Variants in OSBP2 observed in about 807,000 individuals in gnomAD.
The protein encoded by OSBP2 is oxysterol-binding protein 2.
Under a neutral mutation model 96.0 loss-of-function variants are expected in OSBP2, and 66 were observed. The ratio of observed to expected loss-of-function variants is 0.69; its 90% CI spans 0.56 to 0.84. OSBP2 has a LOEUF of 0.84. Among genes scored for constraint, OSBP2 ranks in the 40% least tolerant of loss-of-function variants. OSBP2 has a pLI of 0.00. For missense variants in OSBP2, 1,038 were observed against 1,222.7 expected (o/e 0.85, Z 2.25); for synonymous variants, 525 against 520.9 (o/e 1.01, Z -0.11).
At chr22:30,694,300 T>C (rs1324241286), upstream of OSBP2, 4 of 1,549,290 alleles carry the variant, frequency 2.6e-6, no homozygotes, top group Non-Finnish European at 2.6e-6. Context: ...AGGCGGCCAC[T>C]TGGGGCCACC....
At chr22:30,774,665 A>C in intron 2 of OSBP2, among the ~76,000 whole-genome samples, 1 of 152,242 alleles carries the variant, frequency 6.6e-6, no homozygotes, top group East Asian at 1.9e-4. Flanking sequence ...AATTCCGGAC[A>C]ATCTAGATAT....
Position 30,906,346 on chromosome 22 carries a change from C to A in OSBP2, c.*7C>A, listed in dbSNP as rs760174819. 36 of 1,595,058 alleles carry A rather than the reference C, an allele frequency of 2.3e-5. No individual in the cohort carries two copies. The highest frequency in any genetic ancestry group is 5.2e-5 in the Admixed American group (3 of 58,166). On this transcript the variant is annotated 3_prime_UTR_variant, in exon 14 of 14. Coordinates refer to ENST00000332585, the MANE Select transcript of OSBP2 (RefSeq NM_030758.4). ...GTGCCCCAACATCTTCTGAGCGCCA[C>A]CCTTGCAACAAATACAGGCGCCTGC...
intron 1 of OSBP2, among the ~76,000 whole-genome samples, chr22:30,696,800 C>T (rs191770003): frequency 5.6e-4 from 85 of 152,110 alleles, no homozygotes; most frequent in Middle Eastern, 3.4e-3. Flanking sequence ...ATTACAGGCG[C>T]CCGTCACCAT....
chr22:30,902,036 T>C (rs1391004547), intron 12 of OSBP2, among the ~76,000 whole-genome samples: 4 of 147,714 alleles, frequency 2.7e-5, no homozygotes, highest in Non-Finnish European at 5.9e-5. Flanking sequence ...TACATTCGCA[T>C]GAAGGAATAT....
intron 2 of OSBP2, among the ~76,000 whole-genome samples, chr22:30,819,367 C>T (rs1416196468): frequency 6.6e-6 from 1 of 152,156 alleles, no homozygotes; most frequent in Non-Finnish European, 1.5e-5. Flanking sequence ...AGATGGCTCA[C>T]AGGAGCGGGG....
chr22:30,721,263 AC>A lies in OSBP2; in HGVS notation c.645-19897del, dbSNP rs1157800867. On this transcript the variant is annotated intron_variant, in intron 1 of 13. Transcript: ENST00000332585. ...CAAACCAAAACAAAACAAAAAAACAACAAACAAACAAACCCAAAAGACAAAT... is the reference window on the plus strand; with the variant it reads ...CAAACCAAAACAAAACAAAAAAACAAAAACAAACAAACCCAAAAGACAAAT... Among the ~76,000 whole-genome samples the A allele has an allele frequency of 1.3e-3, 199 of 152,220 alleles. 1 individual carries two copies. In the East Asian group the frequency reaches 0.028, roughly 21 times the overall value.
chr22:30,791,124 C>T (rs1448900607), intron 2 of OSBP2, among the ~76,000 whole-genome samples: 1 of 151,488 alleles, frequency 6.6e-6, no homozygotes, highest in East Asian at 1.9e-4. Flanking sequence ...GCTGAGTGCC[C>T]ACCACCATGC....
At chr22:30,779,252 T>C (rs1263122097) in intron 2 of OSBP2, among the ~76,000 whole-genome samples, 1 of 52,998 alleles carries the variant, frequency 1.9e-5, no homozygotes, top group African/African-American at 1.5e-4. Context: ...CAGCTAATTT[T>C]TTTTTTTTTT....
intron 2 of OSBP2, among the ~76,000 whole-genome samples, chr22:30,860,315 C>A (rs1430249160): frequency 6.6e-6 from 1 of 152,026 alleles, no homozygotes; most frequent in Admixed American, 6.6e-5. Flanking sequence ...GAGCCCTAGA[C>A]AAGAGGAGGC....
intron 2 of OSBP2, among the ~76,000 whole-genome samples, chr22:30,742,564 A>G (rs2089953682): frequency 1.3e-5 from 2 of 152,200 alleles, no homozygotes; most frequent in African/African-American, 4.8e-5. Flanking sequence ...TCACATGTAT[A>G]TTCAAATAGG....
intron 2 of OSBP2, among the ~76,000 whole-genome samples, chr22:30,796,046 T>TG (rs2090756068): frequency 6.6e-6 from 1 of 152,248 alleles, no homozygotes; most frequent in Non-Finnish European, 1.5e-5. Flanking sequence ...CACTGGTTCT[T>TG]GACATTTCAG....
chr22:30,879,588 C>T (rs1030516361), intron 3 of OSBP2, among the ~76,000 whole-genome samples: 9 of 152,164 alleles, frequency 5.9e-5, no homozygotes, highest in African/African-American at 2.2e-4. Context: ...GTGATGGAGA[C>T]ACAGCATGAC....
At chr22:30,809,779 T>C (rs2090981694) in intron 2 of OSBP2, among the ~76,000 whole-genome samples, 1 of 152,098 alleles carries the variant, frequency 6.6e-6, no homozygotes, top group Admixed American at 6.6e-5. Context: ...AGCTGAGACC[T>C]CAGAAGTGAG....
intron 1 of OSBP2, among the ~76,000 whole-genome samples, chr22:30,697,634 G>C (rs1406239776): frequency 6.6e-6 from 1 of 152,180 alleles, no homozygotes; most frequent in Non-Finnish European, 1.5e-5. Context: ...AATTCTTACT[G>C]CTTGCTGATA....
intron 2 of OSBP2, among the ~76,000 whole-genome samples, chr22:30,863,671 C>T (rs5753355): frequency 0.31 from 47,137 of 152,020 alleles, 7,945 homozygotes; most frequent in South Asian, 0.48. Context: ...GTCCTGCATA[C>T]TTGAACTTCG....
At chr22:30,709,743 C>T (rs749493666) in intron 1 of OSBP2, among the ~76,000 whole-genome samples, 2 of 151,856 alleles carry the variant, frequency 1.3e-5, no homozygotes, top group Non-Finnish European at 2.9e-5. Context: ...TGCTGTGTCA[C>T]CCAGGCTGGT....
intron 2 of OSBP2, among the ~76,000 whole-genome samples, chr22:30,867,645 G>T (rs1366374533): frequency 6.6e-6 from 1 of 152,234 alleles, no homozygotes; most frequent in Non-Finnish European, 1.5e-5. Context: ...GTGACTTGAG[G>T]CCAGAACAAG....
At chr22:30,766,531 T>A (rs752945426) in intron 2 of OSBP2, among the ~76,000 whole-genome samples, 8 of 152,232 alleles carry the variant, frequency 5.3e-5, no homozygotes, top group South Asian at 2.1e-4. Context: ...GTCCAGGCAT[T>A]CAGGCCTGGA....
At chr22:30,783,692 C>T (rs565885222) in intron 2 of OSBP2, among the ~76,000 whole-genome samples, 103 of 152,238 alleles carry the variant, frequency 6.8e-4, no homozygotes, top group African/African-American at 2.3e-3. Flanking sequence ...CCCAAATCTG[C>T]CTGGTCATGT....
Sources: gnomAD v4.1 joint callset for allele counts (sites outside exome capture counted in the v4.1 genomes callset) on GRCh38, gnomAD v4.1.1 for gene constraint, MANE v1.5 for transcripts, NCBI Gene and HGNC (gene_info 2026-07-23, HGNC 2026-07-21) for gene names.